Variants in CNTN4 observed in about 807,000 individuals in gnomAD.
CNTN4 encodes contactin-4.
In CNTN4, 77 loss-of-function variants were observed where a neutral mutation model predicts 122.5. That is an observed-to-expected ratio of 0.63 (90% CI 0.52 to 0.76). The LOEUF (loss-of-function observed/expected upper bound fraction) is 0.76, where lower values mean the gene tolerates loss of function less well. Ranked by LOEUF, CNTN4 falls within the 30% of genes least tolerant of loss-of-function variation. The probability of loss-of-function intolerance (pLI) is 0.00; values close to 1 mark genes in which losing one functional copy is unlikely to be tolerated. For missense variants in CNTN4, 1,256 were observed against 1,259.1 expected, an observed-to-expected ratio of 1.00 and a Z score of 0.04; for synonymous variants, 512 against 447.0, an observed-to-expected ratio of 1.15 and a Z score of -1.83.
chr3:2,276,219 C>G (rs939248119), intron 2 of CNTN4, among the ~76,000 whole-genome samples: 2 of 151,930 alleles, frequency 1.3e-5, no homozygotes, highest in Admixed American at 6.6e-5. Context: ...GCTGCCCAGG[C>G]TGGAGTACAG....
chr3:2,109,753 A>G (rs2032798737), intron 2 of CNTN4, among the ~76,000 whole-genome samples: 1 of 152,180 alleles, frequency 6.6e-6, no homozygotes, highest in Non-Finnish European at 1.5e-5. Flanking sequence ...TCAACTATTA[A>G]TTATAAATAC....
chr3:2,572,987 C>A (rs2079492608), intron 4 of CNTN4, among the ~76,000 whole-genome samples: 1 of 152,170 alleles, frequency 6.6e-6, no homozygotes, highest in African/African-American at 2.4e-5. Flanking sequence ...AAGAAGTAAG[C>A]ATTTATCATT....
chr3:2,824,599 C>T (rs1286707639), intron 7 of CNTN4, among the ~76,000 whole-genome samples: 2 of 152,174 alleles, frequency 1.3e-5, no homozygotes, highest in Non-Finnish European at 1.5e-5. Context: ...GCTTCGATTT[C>T]CACATCACTC....
At chr3:2,551,101 TAA>T (rs550637725) in intron 3 of CNTN4, among the ~76,000 whole-genome samples, 2 of 148,800 alleles carry the variant, frequency 1.3e-5, no homozygotes, top group Non-Finnish European at 3.0e-5. Context: ...TAAAATATAA[TAA>T]AAAAAAAATG....
intron 4 of CNTN4, among the ~76,000 whole-genome samples, chr3:2,641,276 A>T (rs1187455877): frequency 6.6e-6 from 1 of 152,080 alleles, no homozygotes; most frequent in Non-Finnish European, 1.5e-5. Context: ...AAAAAACTGT[A>T]TTGAATTTAT....
intron 3 of CNTN4, among the ~76,000 whole-genome samples, chr3:2,542,409 T>G (rs961167058): frequency 6.6e-6 from 1 of 152,062 alleles, no homozygotes; most frequent in African/African-American, 2.4e-5. Flanking sequence ...GAGAGAACAG[T>G]ATAGATAGGA....
At chr3:2,514,167 T>C (rs2076974092) in intron 3 of CNTN4, among the ~76,000 whole-genome samples, 1 of 152,180 alleles carries the variant, frequency 6.6e-6, no homozygotes, top group East Asian at 1.9e-4. Context: ...CAGACTGTTT[T>C]GTTTGACCCC....
chr3:2,585,061 C>G (rs2080125328), intron 4 of CNTN4, among the ~76,000 whole-genome samples: 1 of 152,128 alleles, frequency 6.6e-6, no homozygotes, highest in South Asian at 2.1e-4. Context: ...CATCACTCAC[C>G]TAATATTTTG....
At chr3:2,443,204 G>A (rs1559556762) in intron 3 of CNTN4, among the ~76,000 whole-genome samples, 1 of 151,628 alleles carries the variant, frequency 6.6e-6, no homozygotes, top group African/African-American at 2.4e-5. Flanking sequence ...AAGTTTTAAA[G>A]GAAGCCCTGT....
chr3:2,684,005 A>C (rs1294987551), intron 4 of CNTN4, among the ~76,000 whole-genome samples: 1 of 152,202 alleles, frequency 6.6e-6, no homozygotes, highest in Non-Finnish European at 1.5e-5. Flanking sequence ...CGTTTAAAGA[A>C]TCAACCTTAC....
At chr3:2,394,036 A>G (rs1257063261) in intron 3 of CNTN4, among the ~76,000 whole-genome samples, 1 of 152,162 alleles carries the variant, frequency 6.6e-6, no homozygotes, top group Non-Finnish European at 1.5e-5. Flanking sequence ...GTAAGACTCC[A>G]ATGTTGGTCA....
At chr3:2,786,891 A>G (rs1431091647) in intron 6 of CNTN4, among the ~76,000 whole-genome samples, 2 of 152,192 alleles carry the variant, frequency 1.3e-5, no homozygotes, top group Non-Finnish European at 2.9e-5. Flanking sequence ...GAGGCCAAAA[A>G]TAAAATATTA....
At chr3:2,887,779 C>G (rs2093995547) in intron 10 of CNTN4, among the ~76,000 whole-genome samples, 1 of 152,086 alleles carries the variant, frequency 6.6e-6, no homozygotes, top group Non-Finnish European at 1.5e-5. Flanking sequence ...CTATTCCAAT[C>G]AAATCATCAG....
chr3:2,838,821 TAATA>T (rs1489673780), intron 7 of CNTN4, among the ~76,000 whole-genome samples: 8 of 152,174 alleles, frequency 5.3e-5, no homozygotes, highest in African/African-American at 1.7e-4. Context: ...CTTTCTCCAT[TAATA>T]ATGGACTGTC....
At chr3:2,563,413 A>G (rs1195514133) in intron 3 of CNTN4, among the ~76,000 whole-genome samples, 4 of 152,206 alleles carry the variant, frequency 2.6e-5, no homozygotes, top group Non-Finnish European at 5.9e-5. Flanking sequence ...GTTTTTTTAA[A>G]GATTATATGA....
At chr3:2,322,744 A>G (rs1293129600) in intron 2 of CNTN4, among the ~76,000 whole-genome samples, 1 of 152,228 alleles carries the variant, frequency 6.6e-6, no homozygotes, top group African/African-American at 2.4e-5. Context: ...ACAGAAACTT[A>G]GAAACTAAAA....
chr3:2,419,547 G>A (rs2047540373), intron 3 of CNTN4, among the ~76,000 whole-genome samples: 1 of 152,138 alleles, frequency 6.6e-6, no homozygotes, highest in Admixed American at 6.5e-5. Context: ...ATAACATAAG[G>A]TAACATTGCG....
chr3:2,787,017 G>T (rs2091855820), intron 6 of CNTN4, among the ~76,000 whole-genome samples: 1 of 152,084 alleles, frequency 6.6e-6, no homozygotes, highest in South Asian at 2.1e-4. Flanking sequence ...TGGTATAGTT[G>T]GTTCATGCTA....
intron 3 of CNTN4, among the ~76,000 whole-genome samples, chr3:2,548,853 G>T (rs1223473585): frequency 6.6e-6 from 1 of 152,110 alleles, no homozygotes; most frequent in South Asian, 2.1e-4. Flanking sequence ...TTATTTCTTT[G>T]AGCAGCGGTT....
Sources: gnomAD v4.1 joint callset for allele counts (sites outside exome capture counted in the v4.1 genomes callset) on GRCh38, gnomAD v4.1.1 for gene constraint, MANE v1.5 for transcripts, NCBI Gene and HGNC (gene_info 2026-07-23, HGNC 2026-07-21) for gene names.